SRRM4: variants seen among roughly 807,000 people sequenced by gnomAD.
The protein encoded by SRRM4 is serine/arginine repetitive matrix 4.
A neutral mutation model predicts 68.9 loss-of-function variants in SRRM4; 33 were observed. The ratio of observed to expected loss-of-function variants is 0.48; its 90% CI spans 0.36 to 0.64. SRRM4 has a LOEUF of 0.64. SRRM4 is among the 30% of genes least tolerant of loss of function. The probability of loss-of-function intolerance (pLI) is 0.00; values close to 1 mark genes in which losing one functional copy is unlikely to be tolerated. For synonymous variants in SRRM4, 318 were observed against 318.8 expected (o/e 1.00, Z 0.03); for missense variants, 817 against 827.1 (o/e 0.99, Z 0.15).
intron 1 of SRRM4, among the ~76,000 whole-genome samples, chr12:119,017,015 G>A (rs2076427776): frequency 6.6e-6 from 1 of 152,164 alleles, no homozygotes; most frequent in Non-Finnish European, 1.5e-5. Flanking sequence ...TATGGGGTCT[G>A]GAATATGAAA....
intron 1 of SRRM4, among the ~76,000 whole-genome samples, chr12:119,053,606 A>T (rs1953758253): frequency 6.6e-6 from 1 of 152,230 alleles, no homozygotes; most frequent in Admixed American, 6.5e-5. Context: ...AATTATATAA[A>T]GCACATAGTA....
At chr12:119,023,948 A>G (rs1310548305) in intron 1 of SRRM4, among the ~76,000 whole-genome samples, 1 of 152,156 alleles carries the variant, frequency 6.6e-6, no homozygotes, top group Non-Finnish European at 1.5e-5. Flanking sequence ...TGACCTTAAC[A>G]AGACTTTCTC....
At chr12:119,071,762 G>C (rs1248801319) in intron 1 of SRRM4, among the ~76,000 whole-genome samples, 1 of 152,304 alleles carries the variant, frequency 6.6e-6, no homozygotes, top group East Asian at 1.9e-4. Flanking sequence ...GCAGCTGTGA[G>C]ATTCATCATG....
intron 7 of SRRM4, among the ~76,000 whole-genome samples, chr12:119,130,025 TTGGC>T (rs1457458113): frequency 7.5e-6 from 1 of 132,948 alleles, no homozygotes; most frequent in Non-Finnish European, 1.6e-5. Flanking sequence ...GCATAGATGG[TTGGC>T]TGAGTGGTTG....
intron 7 of SRRM4, among the ~76,000 whole-genome samples, chr12:119,128,966 G>C (rs1954277181): frequency 6.6e-6 from 1 of 152,152 alleles, no homozygotes; most frequent in African/African-American, 2.4e-5. Flanking sequence ...AGCAAACTGA[G>C]AGCTGGCACG....
Position 119,105,870 on chromosome 12 carries a change from G to C in SRRM4, c.278+3488G>C, listed in dbSNP as rs931834103. 1.2e-4 allele frequency among the ~76,000 whole-genome samples: 19 copies of C among 152,126 alleles called. 1 individual carries two copies. The highest frequency in any genetic ancestry group is 2.9e-5 in the Non-Finnish European group (2 of 68,018). On this transcript the variant is annotated intron_variant, in intron 2 of 12. Transcript: ENST00000267260. ...TTTGGCTTTTGTTGCCATTGCTTTT[G>C]GTGTTTTAGTCATGAAGTCCTTGCC...
chr12:119,015,103 T>C (rs575221406), intron 1 of SRRM4, among the ~76,000 whole-genome samples: 1 of 152,300 alleles, frequency 6.6e-6, no homozygotes, highest in Non-Finnish European at 1.5e-5. Flanking sequence ...GGTGTGGATA[T>C]GAGAAGTTGA....
intron 2 of SRRM4, among the ~76,000 whole-genome samples, chr12:119,109,954 G>GT (rs142345315): frequency 0.077 from 11,720 of 152,168 alleles, 507 homozygotes; most frequent in Admixed American, 0.1. Flanking sequence ...CATCTTTGTG[G>GT]TTTTATCAGC....
At chr12:119,112,332 A>T (rs182396106) in intron 2 of SRRM4, among the ~76,000 whole-genome samples, 24 of 152,336 alleles carry the variant, frequency 1.6e-4, no homozygotes, top group Non-Finnish European at 1.5e-5. Flanking sequence ...AGAAATAGGA[A>T]TGCTTTTACA....
chr12:119,004,132 T>C (rs904203835), intron 1 of SRRM4, among the ~76,000 whole-genome samples: 12 of 152,034 alleles, frequency 7.9e-5, no homozygotes, highest in African/African-American at 2.9e-4. Flanking sequence ...TTTTTGAAAA[T>C]TTGATCTTCT....
At chr12:119,058,175 A>G (rs1346326220) in intron 1 of SRRM4, among the ~76,000 whole-genome samples, 1 of 152,194 alleles carries the variant, frequency 6.6e-6, no homozygotes, top group African/African-American at 2.4e-5. Context: ...TATGAAATTT[A>G]TTCTATATCT....
At chr12:119,021,649 T>C (rs988515805) in intron 1 of SRRM4, among the ~76,000 whole-genome samples, 3 of 152,162 alleles carry the variant, frequency 2.0e-5, no homozygotes, top group Non-Finnish European at 4.4e-5. Context: ...ACCCCACCCC[T>C]GAACTAAAGT....
intron 1 of SRRM4, among the ~76,000 whole-genome samples, chr12:118,985,597 C>A (rs1210834908): frequency 6.6e-6 from 1 of 152,036 alleles, no homozygotes; most frequent in Non-Finnish European, 1.5e-5. Flanking sequence ...ATCTACCAGC[C>A]GGAAGGGAAC....
chr12:119,046,033 T>A (rs1375146379), intron 1 of SRRM4, among the ~76,000 whole-genome samples: 1 of 151,556 alleles, frequency 6.6e-6, no homozygotes, highest in Non-Finnish European at 1.5e-5. Flanking sequence ...CGAGATTCCA[T>A]CTCAAAATAA....
At chr12:119,042,573 G>T (rs77016757) in intron 1 of SRRM4, among the ~76,000 whole-genome samples, 2 of 151,190 alleles carry the variant, frequency 1.3e-5, no homozygotes, top group Non-Finnish European at 2.9e-5. Flanking sequence ...AAGAGGGGGT[G>T]GTAGACAATG....
chr12:119,084,515 C>T (rs10774485), intron 1 of SRRM4, among the ~76,000 whole-genome samples: 131,798 of 152,198 alleles, frequency 0.87, 57,352 homozygotes, highest in Middle Eastern at 0.94. Flanking sequence ...TGTAGCTACA[C>T]TGATAGTGAG....
intron 1 of SRRM4, among the ~76,000 whole-genome samples, chr12:119,087,933 T>A (rs1477699197): frequency 6.6e-6 from 1 of 152,156 alleles, no homozygotes; most frequent in Non-Finnish European, 1.5e-5. Context: ...AAACGACTCT[T>A]ACAATACCCA....
intron 1 of SRRM4, among the ~76,000 whole-genome samples, chr12:119,042,634 G>A (rs1297558233): frequency 6.6e-6 from 1 of 150,882 alleles, no homozygotes; most frequent in African/African-American, 2.4e-5. Flanking sequence ...GATGAGAGGA[G>A]GAGAGGGAAA....
At chr12:119,071,871 T>C (rs1486262851) in intron 1 of SRRM4, among the ~76,000 whole-genome samples, 1 of 152,226 alleles carries the variant, frequency 6.6e-6, no homozygotes, top group African/African-American at 2.4e-5. Context: ...TGCATGTGTT[T>C]AGGACATTGC....
Sources: allele counts gnomAD v4.1 joint callset (sites outside exome capture counted in the v4.1 genomes callset), GRCh38; gene constraint gnomAD v4.1.1; transcripts MANE v1.5; gene names NCBI Gene and HGNC (gene_info 2026-07-23, HGNC 2026-07-21).